RABEP1: variants seen among roughly 807,000 people sequenced by gnomAD.
RABEP1 encodes rabaptin, RAB GTPase binding effector protein 1.
RABEP1 carries 51 observed loss-of-function variants against 123.4 expected under a neutral mutation model. The observed-to-expected ratio is 0.41, with a 90% confidence interval of 0.33 to 0.52. The LOEUF (loss-of-function observed/expected upper bound fraction) is 0.52. RABEP1 is among the 20% of genes least tolerant of loss of function. The probability of loss-of-function intolerance (pLI) is 0.16; values close to 1 mark genes in which losing one functional copy is unlikely to be tolerated. For synonymous variants in RABEP1, 347 were observed against 355.2 expected, an observed-to-expected ratio of 0.98 and a Z score of 0.26; for missense variants, 888 against 996.3, an observed-to-expected ratio of 0.89 and a Z score of 1.46.
intron 2 of RABEP1, among the ~76,000 whole-genome samples, chr17:5,310,844 G>C (rs117795006): frequency 3.1e-3 from 451 of 145,120 alleles, no homozygotes; most frequent in Non-Finnish European, 4.6e-3. Flanking sequence ...GAGTCTCGCT[G>C]TGTTGTCCAG....
Position 5,386,189 on chromosome 17 carries a change from G to C in RABEP1, c.*2966G>C, listed in dbSNP as rs1160240430. 3.1e-6 allele frequency: 5 copies of C among 1,604,488 alleles called. No individual in the cohort carries two copies. In the Middle Eastern group the frequency reaches 5.0e-4, roughly 159 times the overall value. The stretch of plus-strand genomic sequence containing the variant: ...TCAATGGTGTTCAGTTCAGGTGTGA[G>C]TCAGCTCCTGGTGGTGTCAGAAGTT... On this transcript the variant is annotated 3_prime_UTR_variant, in exon 18 of 18. Coordinates refer to ENST00000537505, the MANE Select transcript of RABEP1 (RefSeq NM_004703.6).
At chr17:5,290,834 G>C (rs2075026423) in intron 1 of RABEP1, among the ~76,000 whole-genome samples, 3 of 151,970 alleles carry the variant, frequency 2.0e-5, no homozygotes, top group African/African-American at 7.3e-5. Context: ...GGCCTCAAAT[G>C]ATCTGCCCAC....
intron 5 of RABEP1, among the ~76,000 whole-genome samples, chr17:5,345,686 A>G (rs890328015): frequency 2.6e-5 from 4 of 152,220 alleles, no homozygotes; most frequent in African/African-American, 4.8e-5. Flanking sequence ...TGGACTGTCA[A>G]CCTTCAGTGA....
intron 2 of RABEP1, among the ~76,000 whole-genome samples, chr17:5,309,609 C>T (rs926065711): frequency 1.3e-5 from 2 of 149,826 alleles, no homozygotes; most frequent in Non-Finnish European, 3.0e-5. Context: ...GCTGAGATTG[C>T]GCCATTGCAC....
intron 1 of RABEP1, among the ~76,000 whole-genome samples, chr17:5,308,208 A>G (rs2075198820): frequency 6.7e-6 from 1 of 148,452 alleles, no homozygotes; most frequent in African/African-American, 2.5e-5. Flanking sequence ...ACAGTTGTGT[A>G]TTAAGTCTAA....
At chr17:5,325,211 G>A (rs1186363775) in intron 2 of RABEP1, among the ~76,000 whole-genome samples, 3 of 151,922 alleles carry the variant, frequency 2.0e-5, no homozygotes, top group African/African-American at 2.4e-5. Flanking sequence ...TGGTGCCTGC[G>A]TGTAATCCCA....
intron 9 of RABEP1, among the ~76,000 whole-genome samples, 159 bp from the exon 10 acceptor site, chr17:5,362,753 A>G (rs148198601): frequency 6.6e-6 from 1 of 152,304 alleles, no homozygotes; most frequent in East Asian, 1.9e-4. Context: ...TTGATTTTTT[A>G]GAATCTGACC....
At chr17:5,293,281 C>G (rs76420897) in intron 1 of RABEP1, among the ~76,000 whole-genome samples, 3 of 151,742 alleles carry the variant, frequency 2.0e-5, no homozygotes, top group South Asian at 4.2e-4. Context: ...GAGGGAAACT[C>G]TGTCTCCCCC....
intron 2 of RABEP1, among the ~76,000 whole-genome samples, chr17:5,328,811 C>T (rs568187724): frequency 3.5e-4 from 53 of 151,494 alleles, no homozygotes; most frequent in African/African-American, 1.3e-3. Context: ...ATTCGCCAGG[C>T]GCAGTGGCAG....
chr17:5,360,087 A>G (rs1251280067), intron 8 of RABEP1, among the ~76,000 whole-genome samples: 1 of 152,252 alleles, frequency 6.6e-6, no homozygotes, highest in Non-Finnish European at 1.5e-5. Context: ...ATAACCCATT[A>G]GAGTCACTCG....
intron 11 of RABEP1, among the ~76,000 whole-genome samples, chr17:5,365,920 T>C (rs1909966561): frequency 6.6e-6 from 1 of 152,238 alleles, no homozygotes; most frequent in Admixed American, 6.5e-5. Flanking sequence ...CAGACTAATG[T>C]TGATGGATAT....
At position 5,361,074 on chromosome 17, in the gene RABEP1, G is replaced by T. The variant is rs529408078; in HGVS notation, c.1096-134G>T. On this transcript the variant is annotated intron_variant, in intron 8 of 17. Coordinates refer to ENST00000537505, the MANE Select transcript of RABEP1 (RefSeq NM_004703.6). ...CATGTAGAAATGACACTTAGTGTTT[G>T]TTCAATGAGTCTGTGAAGGTAGCAC... 7 of 787,694 alleles carry T rather than the reference G, an allele frequency of 8.9e-6. No individual in the cohort carries two copies. In the Admixed American group the frequency reaches 1.7e-4, roughly 19 times the overall value. The allele number at this position is 787,694 out of a possible 1,614,324, so 48.8% of individuals were successfully genotyped here.
At chr17:5,333,311 C>T (rs573853980) in intron 3 of RABEP1, among the ~76,000 whole-genome samples, 12 of 151,918 alleles carry the variant, frequency 7.9e-5, no homozygotes, top group South Asian at 6.3e-4. Flanking sequence ...TACAGGCGCC[C>T]GCCACCACGC....
chr17:5,371,618 G>C (rs1308182953), intron 12 of RABEP1: 1 of 152,224 alleles, frequency 6.6e-6, no homozygotes, highest in African/African-American at 2.4e-5. Flanking sequence ...GTGGGCTTTA[G>C]CCAGAGCATA....
rs2144675852 is a variant in RABEP1 at position 5,361,386 on chromosome 17, A to G, written c.1274A>G (p.Asn425Ser). The stretch of plus-strand genomic sequence containing the variant: ...TTGCAATCCAAAGCTTTAGGCTATA[A>G]CTACAAAGCAAAATCTGCTGGAAAC... The part of the protein sequence containing the change: ...GSLQSKALGY[N>S]YKAKSAGNLD... The change falls in exon 9 of 18, where the codon AAC (asparagine) becomes AGC (serine). Residue 425 changes from asparagine to serine, a missense_variant. Transcript: ENST00000537505. 6.2e-7 allele frequency: 1 copy of G among 1,614,174 alleles called. No homozygotes were observed. The highest frequency in any genetic ancestry group is 2.2e-5 in the East Asian group (1 of 44,876).
intron 15 of RABEP1, 26 bp downstream of exon 15, chr17:5,378,258 C>T (rs1567555186): frequency 2.6e-6 from 4 of 1,534,184 alleles, no homozygotes; most frequent in African/African-American, 1.4e-5. Flanking sequence ...CAAATTAATT[C>T]TATCAGCAAC....
rs551346570 is a variant in RABEP1 at position 5,300,150 on chromosome 17, A to G, written c.35-8544A>G. Among the ~76,000 whole-genome samples the G allele has an allele frequency of 3.9e-5, 6 of 152,126 alleles. No individual in the cohort carries two copies. The South Asian group carries it at 6.2e-4, about 16-fold the overall frequency. On this transcript the variant is annotated intron_variant, in intron 1 of 17. Transcript: ENST00000537505. ...TGCAGTTAGATGGGAAGGAAAATCT[A>G]CCCAGCTAAGCATTCAAGTGCATGA...
intron 1 of RABEP1, among the ~76,000 whole-genome samples, chr17:5,305,271 C>T (rs2075169963): frequency 6.6e-6 from 1 of 152,072 alleles, no homozygotes; most frequent in African/African-American, 2.4e-5. Context: ...GGTGGATGAT[C>T]ACTTCTTAAA....
chr17:5,335,828 T>C (rs1254029274), intron 4 of RABEP1, among the ~76,000 whole-genome samples: 2 of 152,190 alleles, frequency 1.3e-5, no homozygotes, highest in African/African-American at 4.8e-5. Context: ...TATTTGTATA[T>C]CCTAAATGCC....
Sources: gnomAD v4.1 joint callset for allele counts (sites outside exome capture counted in the v4.1 genomes callset) on GRCh38, gnomAD v4.1.1 for gene constraint, MANE v1.5 for transcripts, NCBI Gene and HGNC (gene_info 2026-07-23, HGNC 2026-07-21) for gene names.